ATG7: variants seen among roughly 807,000 people sequenced by gnomAD.
ATG7 encodes ubiquitin-like modifier-activating enzyme ATG7.
Under a neutral mutation model 82.4 loss-of-function variants are expected in ATG7, and 70 were observed. That is an observed-to-expected ratio of 0.85 (90% CI 0.70 to 1.04). The LOEUF is 1.04. Among genes scored for constraint, ATG7 ranks in the 50% least tolerant of loss-of-function variants. The pLI, the probability that ATG7 is intolerant of heterozygous loss-of-function variation, is 0.00. For synonymous variants in ATG7, 287 were observed against 313.0 expected (o/e 0.92, Z 0.88); for missense variants, 792 against 864.3 (o/e 0.92, Z 1.05).
At chr3:11,380,489 G>T (rs941143603) in intron 19 of ATG7, among the ~76,000 whole-genome samples, 2 of 152,188 alleles carry the variant, frequency 1.3e-5, no homozygotes, top group Admixed American at 1.3e-4. Flanking sequence ...TAGGGGCCTG[G>T]ATGGGGAGCC....
chr3:11,481,326 A>G (rs2088946530), intron 20 of ATG7, among the ~76,000 whole-genome samples: 1 of 152,204 alleles, frequency 6.6e-6, no homozygotes, highest in Admixed American at 6.5e-5. Flanking sequence ...GTTTTGTTAG[A>G]TATATTTTAC....
At chr3:11,418,954 G>A (rs1018205293) in intron 19 of ATG7, among the ~76,000 whole-genome samples, 1 of 151,964 alleles carries the variant, frequency 6.6e-6, no homozygotes, top group Non-Finnish European at 1.5e-5. Flanking sequence ...AGAACAGCAT[G>A]GGAAACTGCC....
intron 9 of ATG7, among the ~76,000 whole-genome samples, chr3:11,324,700 G>A (rs538206689): frequency 1.3e-4 from 20 of 151,682 alleles, no homozygotes; most frequent in African/African-American, 4.6e-4. Context: ...TAAGAAATAT[G>A]CTTATTCTTT....
At chr3:11,460,887 G>T (rs2086239339) in intron 20 of ATG7, among the ~76,000 whole-genome samples, 1 of 152,190 alleles carries the variant, frequency 6.6e-6, no homozygotes, top group South Asian at 2.1e-4. Flanking sequence ...CCATCCATGT[G>T]TATGGAGCCC....
chr3:11,542,322 G>A (rs2125029016), intron 20 of ATG7, among the ~76,000 whole-genome samples: 1 of 152,344 alleles, frequency 6.6e-6, no homozygotes, highest in Middle Eastern at 3.4e-3. Context: ...AATATAGCGG[G>A]ACCCTGAGGT....
intron 15 of ATG7, among the ~76,000 whole-genome samples, chr3:11,360,356 T>G (rs755769237): frequency 2.0e-5 from 3 of 152,150 alleles, no homozygotes; most frequent in Non-Finnish European, 4.4e-5. Context: ...CTGTTATGAG[T>G]TTCAAATGAA....
chr3:11,462,024 C>A (rs886250025), intron 20 of ATG7, among the ~76,000 whole-genome samples: 12 of 151,450 alleles, frequency 7.9e-5, no homozygotes, highest in Admixed American at 7.9e-4. Flanking sequence ...GAGTGAGACT[C>A]TGTCTCCAAA....
At chr3:11,499,532 G>A (rs2091151787) in intron 20 of ATG7, among the ~76,000 whole-genome samples, 1 of 152,104 alleles carries the variant, frequency 6.6e-6, no homozygotes, top group Non-Finnish European at 1.5e-5. Flanking sequence ...GATCACCTGA[G>A]GTCAGGAGTT....
At chr3:11,561,367 C>G (rs2072982918), downstream of ATG7, among the ~76,000 whole-genome samples, 1 of 152,186 alleles carries the variant, frequency 6.6e-6, no homozygotes, top group African/African-American at 2.4e-5. Flanking sequence ...GGCAGGCTGG[C>G]TGACTGGTAT....
intron 20 of ATG7, among the ~76,000 whole-genome samples, chr3:11,458,243 C>T (rs1576552775): frequency 6.6e-6 from 1 of 152,010 alleles, no homozygotes; most frequent in East Asian, 1.9e-4. Flanking sequence ...GGAACACAGG[C>T]TTAGAAGTCA....
chr3:11,435,927 G>A (rs2083329639), intron 20 of ATG7, among the ~76,000 whole-genome samples: 1 of 152,116 alleles, frequency 6.6e-6, no homozygotes, highest in Non-Finnish European at 1.5e-5. Context: ...TAAGGGTGTG[G>A]TATCTAGAAT....
At chr3:11,559,274 G>A, downstream of ATG7, 2 of 1,473,984 alleles carry the variant, frequency 1.4e-6, no homozygotes, top group Non-Finnish European at 1.8e-6. Context: ...GCATGACAGA[G>A]AAGGGCTCTG....
chr3:11,423,693 C>T (rs554530817), intron 19 of ATG7, among the ~76,000 whole-genome samples: 8 of 152,114 alleles, frequency 5.3e-5, no homozygotes, highest in East Asian at 1.9e-4. Context: ...ACTCTACGCA[C>T]GTAATGGTCC....
At chr3:11,506,099 T>G (rs1168031985) in intron 20 of ATG7, among the ~76,000 whole-genome samples, 1 of 152,196 alleles carries the variant, frequency 6.6e-6, no homozygotes, top group African/African-American at 2.4e-5. Flanking sequence ...TTTTTTGAGT[T>G]GGTCTCTCTG....
chr3:11,441,142 C>G lies in ATG7; in HGVS notation c.2079+14216C>G, dbSNP rs1389503917. 1.1e-4 allele frequency among the ~76,000 whole-genome samples: 17 copies of G among 152,308 alleles called. No homozygotes were observed. In the East Asian group the frequency reaches 3.3e-3, roughly 29 times the overall value. On this transcript the variant is annotated intron_variant, in intron 20 of 20. Transcript: ENST00000693202. Reference sequence around the variant, plus strand: ...TTTGTTATAATTTGCTGCTAGCTTTCAAGCATCTGTGTTTATCCTACCTTA... The same window carrying G: ...TTTGTTATAATTTGCTGCTAGCTTTGAAGCATCTGTGTTTATCCTACCTTA...
chr3:11,332,758 C>A, intron 10 of ATG7: 1 of 370,762 alleles, frequency 2.7e-6, no homozygotes, highest in Non-Finnish European at 4.6e-6. Flanking sequence ...AAATCACAGC[C>A]AATTCATTTT....
intron 20 of ATG7, among the ~76,000 whole-genome samples, chr3:11,548,126 G>C (rs2071443461): frequency 2.0e-5 from 3 of 152,160 alleles, no homozygotes; most frequent in African/African-American, 7.2e-5. Context: ...TTACAGGCAT[G>C]AGCCACCACG....
chr3:11,388,787 CAAT>C (rs1292095180), intron 19 of ATG7, among the ~76,000 whole-genome samples: 1 of 152,022 alleles, frequency 6.6e-6, no homozygotes, highest in African/African-American at 2.4e-5. Flanking sequence ...CCTATACCCT[CAAT>C]AACTTTGTAA....
rs1954821982 is a variant in ATG7 at position 11,347,984 on chromosome 3, G to GC, written c.1236dup (p.Lys413GlnfsTer57). ...TTGAAGATTGCCTAGGGGGTGGTAA[G>GC]CCCAAGGCTCTGGCAGCAGCGGACC... On this transcript the variant is annotated frameshift_variant, in exon 14 of 21. Transcript: ENST00000693202. LOFTEE classifies it high-confidence loss of function. 6.2e-7 allele frequency: 1 copy of GC among 1,614,158 alleles called. No individual in the cohort carries two copies. The highest frequency in any genetic ancestry group is 1.3e-5 in the African/African-American group (1 of 75,050).
Sources: gnomAD v4.1 joint callset for allele counts (sites outside exome capture counted in the v4.1 genomes callset) on GRCh38, gnomAD v4.1.1 for gene constraint, MANE v1.5 for transcripts, NCBI Gene and HGNC (gene_info 2026-07-23, HGNC 2026-07-21) for gene names.